The following RBFOX1 variants were observed in gnomAD, a reference collection of about 807,000 sequenced individuals.
RBFOX1 encodes the protein RNA binding protein fox-1 homolog 1.
RBFOX1 carries 8 observed loss-of-function variants against 57.7 expected under a neutral mutation model. The observed-to-expected ratio is 0.14, with a 90% CI of 0.08 to 0.25. The LOEUF is 0.25. Ranked by LOEUF, RBFOX1 falls within the 10% of genes least tolerant of loss-of-function variation. The probability of loss-of-function intolerance (pLI) is 1.00; values close to 1 mark genes in which losing one functional copy is unlikely to be tolerated. For synonymous variants in RBFOX1, 326 were observed against 222.4 expected, an observed-to-expected ratio of 1.47 and a Z score of -4.15; for missense variants, 611 against 548.5, an observed-to-expected ratio of 1.11 and a Z score of -1.14.
At chr16:7,017,843 G>A (rs746001990) in intron 3 of RBFOX1, among the ~76,000 whole-genome samples, 1 of 152,096 alleles carries the variant, frequency 6.6e-6, no homozygotes, top group Non-Finnish European at 1.5e-5. Context: ...ATTTATTTGT[G>A]CATTCATTCA....
At chr16:6,972,013 T>C (rs537863808) in intron 3 of RBFOX1, among the ~76,000 whole-genome samples, 11 of 152,278 alleles carry the variant, frequency 7.2e-5, no homozygotes, top group African/African-American at 2.6e-4. Context: ...TGTGAAGTGA[T>C]ATAGAAAGAA....
At chr16:6,231,239 GGTGT>G (rs1555566197) in intron 1 of RBFOX1, among the ~76,000 whole-genome samples, 2 of 149,344 alleles carry the variant, frequency 1.3e-5, no homozygotes, top group East Asian at 2.0e-4. Flanking sequence ...TGTGTGTGTA[GGTGT>G]GTGTGTGTGT....
intron 4 of RBFOX1, among the ~76,000 whole-genome samples, chr16:7,493,463 A>C (rs559265610): frequency 5.9e-5 from 9 of 152,354 alleles, no homozygotes; most frequent in Non-Finnish European, 1.2e-4. Context: ...GGACCTATGC[A>C]GACAGATTTA....
chr16:6,046,254 T>G (rs2095494172), intron 1 of RBFOX1, among the ~76,000 whole-genome samples: 1 of 152,076 alleles, frequency 6.6e-6, no homozygotes, highest in African/African-American at 2.4e-5. Flanking sequence ...AAAGTGGCAG[T>G]AGGAATGGAT....
chr16:7,695,003 G>T (rs535147375), intron 14 of RBFOX1, among the ~76,000 whole-genome samples: 1 of 151,966 alleles, frequency 6.6e-6, no homozygotes, highest in African/African-American at 2.4e-5. Context: ...TGCCTTATAA[G>T]CAAGTGATCC....
chr16:7,355,054 C>G (rs1019258248), intron 4 of RBFOX1, among the ~76,000 whole-genome samples: 1 of 152,142 alleles, frequency 6.6e-6, no homozygotes, highest in African/African-American at 2.4e-5. Context: ...AAGCATTTAA[C>G]GCATGAGGTC....
At chr16:7,506,007 A>T (rs1262510848) in intron 4 of RBFOX1, among the ~76,000 whole-genome samples, 1 of 151,846 alleles carries the variant, frequency 6.6e-6, no homozygotes, top group Non-Finnish European at 1.5e-5. Flanking sequence ...AACATGGTGA[A>T]ACACCATCTC....
At position 6,794,824 on chromosome 16, in the gene RBFOX1, C is replaced by G. The variant is rs376895536; in HGVS notation, c.-16+140174C>G. 6.6e-4 allele frequency among the ~76,000 whole-genome samples: 101 copies of G among 152,216 alleles called. 5 individuals carry two copies. The South Asian group carries it at 0.02, about 30-fold the overall frequency. ...ATGGTACATGGATTTTTATTTGATG[C>G]AGGCACTGCTTTCCAAGGTAATTGT... is the stretch of plus-strand genomic sequence containing the variant. On this transcript the variant is annotated intron_variant, in intron 3 of 15. Transcript: ENST00000550418.
intron 3 of RBFOX1, among the ~76,000 whole-genome samples, chr16:6,996,771 G>A (rs369882309): frequency 6.6e-6 from 1 of 152,158 alleles, no homozygotes; most frequent in African/African-American, 2.4e-5. Flanking sequence ...TCAGATAGAG[G>A]GATTTAATTT....
At position 6,797,136 on chromosome 16, in the gene RBFOX1, A is replaced by G. The variant is rs553242878; in HGVS notation, c.-16+142486A>G. 2.6e-5 allele frequency among the ~76,000 whole-genome samples: 4 copies of G among 152,298 alleles called. No individual in the cohort carries two copies. In the East Asian group the frequency reaches 5.8e-4, roughly 22 times the overall value. ...AGGCTCTGCTGTTCGTTGTTTTACT[A>G]CTCTGCAGATAGGCAGCAGCAGCAG... On this transcript the variant is annotated intron_variant, in intron 3 of 15. Coordinates refer to ENST00000550418, the MANE Select transcript of RBFOX1 (RefSeq NM_018723.4).
At chr16:7,243,528 C>T (rs1485628462) in intron 4 of RBFOX1, among the ~76,000 whole-genome samples, 2 of 152,150 alleles carry the variant, frequency 1.3e-5, no homozygotes, top group African/African-American at 2.4e-5. Context: ...AGGAAGTTGA[C>T]CCCTTACTCT....
intron 1 of RBFOX1, among the ~76,000 whole-genome samples, chr16:6,192,156 A>G (rs1218613478): frequency 6.7e-6 from 1 of 149,878 alleles, no homozygotes; most frequent in Non-Finnish European, 1.5e-5. Context: ...TCCCCATCGC[A>G]ATTTAGTTTG....
intron 4 of RBFOX1, among the ~76,000 whole-genome samples, chr16:7,359,952 C>G (rs1053263039): frequency 9.2e-5 from 14 of 151,934 alleles, no homozygotes; most frequent in Non-Finnish European, 1.0e-4. Flanking sequence ...CCACTGCACT[C>G]CAGCCTGGGT....
intron 11 of RBFOX1, among the ~76,000 whole-genome samples, chr16:7,646,692 C>T (rs772144314): frequency 3.3e-5 from 5 of 152,200 alleles, no homozygotes; most frequent in Non-Finnish European, 2.9e-5. Flanking sequence ...GTGCAGAATC[C>T]GCCCCCCTGT....
At chr16:7,668,236 T>C (rs1286434934) in intron 13 of RBFOX1, among the ~76,000 whole-genome samples, 1 of 152,166 alleles carries the variant, frequency 6.6e-6, no homozygotes, top group Non-Finnish European at 1.5e-5. Flanking sequence ...CCTCGGGCAT[T>C]TTTTAGTTCT....
intron 14 of RBFOX1, among the ~76,000 whole-genome samples, chr16:7,696,936 A>G (rs1481838078): frequency 1.3e-5 from 2 of 152,174 alleles, no homozygotes; most frequent in African/African-American, 2.4e-5. Flanking sequence ...TAAGACATCC[A>G]GTGTGGCCCA....
At chr16:5,768,974 G>C (rs900700921) in intron 3 of RBFOX1, among the ~76,000 whole-genome samples, 1 of 152,006 alleles carries the variant, frequency 6.6e-6, no homozygotes, top group Admixed American at 6.5e-5. Flanking sequence ...GGATAGAGAA[G>C]AAGTCAAATG....
At position 7,596,126 on chromosome 16, in the gene RBFOX1, G is replaced by GA. The variant is rs1166290762; in HGVS notation, c.561+494dup. 8.5e-5 allele frequency among the ~76,000 whole-genome samples: 9 copies of GA among 106,118 alleles called. No individual in the cohort carries two copies. In the East Asian group the frequency reaches 1.2e-3, roughly 14 times the overall value. The allele number at this position is 106,118 out of a possible 152,430, so 69.6% of individuals were successfully genotyped here. On this transcript the variant is annotated intron_variant, in intron 8 of 15. Transcript: ENST00000550418. Reference sequence around the variant, plus strand: ...TTTGTTTGTTTGTTTGTTTTTTGTGGAAAAAAAAACAAAAAAAAAAACGAG... The same window carrying GA: ...TTTGTTTGTTTGTTTGTTTTTTGTGGAAAAAAAAAACAAAAAAAAAAACGAG...
chr16:7,424,256 A>G lies in RBFOX1; in HGVS notation c.28-93891A>G, dbSNP rs547689145. ...GTGTAATTTACACTTGAATATGAAT[A>G]TATATATATACATATATATGGGGGT... On this transcript the variant is annotated intron_variant, in intron 4 of 15. Coordinates refer to ENST00000550418, the MANE Select transcript of RBFOX1 (RefSeq NM_018723.4). Among the ~76,000 whole-genome samples, 22 of 149,328 alleles carry G rather than the reference A, an allele frequency of 1.5e-4. No homozygotes were observed. In the East Asian group the frequency reaches 3.8e-3, roughly 26 times the overall value.
Sources: allele counts gnomAD v4.1 joint callset (sites outside exome capture counted in the v4.1 genomes callset), GRCh38; gene constraint gnomAD v4.1.1; transcripts MANE v1.5; gene names NCBI Gene and HGNC (gene_info 2026-07-23, HGNC 2026-07-21).